Variants in DCUN1D1 observed in about 807,000 individuals in gnomAD.
The protein encoded by DCUN1D1 is DCN1-like protein 1.
In DCUN1D1, 3 loss-of-function variants were observed where a neutral mutation model predicts 39.0. That is an observed-to-expected ratio of 0.08 (90% CI 0.04 to 0.20). The LOEUF is 0.20. Among genes scored for constraint, DCUN1D1 ranks in the 10% least tolerant of loss-of-function variants. DCUN1D1 has a pLI of 1.00. For missense variants in DCUN1D1, 158 were observed against 302.4 expected (o/e 0.52, Z 3.54); for synonymous variants, 82 against 96.3 (o/e 0.85, Z 0.87).
exon 1 of DCUN1D1, chr3:182,985,844 G>A (rs1332886071): frequency 6.6e-6 from 1 of 152,154 alleles, no homozygotes; most frequent in Non-Finnish European, 1.5e-5. Flanking sequence ...TCACCTCAAG[G>A]TACATGTGGA....
intron 1 of DCUN1D1, among the ~76,000 whole-genome samples, chr3:182,967,605 C>T (rs930386098): frequency 1.3e-5 from 2 of 152,186 alleles, no homozygotes; most frequent in Non-Finnish European, 2.9e-5. Context: ...CTGTACTCCA[C>T]TAAAATTAAG....
intron 1 of DCUN1D1, among the ~76,000 whole-genome samples, chr3:182,968,544 C>T (rs1727780803): frequency 6.6e-6 from 1 of 151,822 alleles, no homozygotes; most frequent in Non-Finnish European, 1.5e-5. Flanking sequence ...GAATTAATTC[C>T]ATGTCATATC....
upstream of DCUN1D1, among the ~76,000 whole-genome samples, chr3:182,982,864 C>T (rs1290613392): frequency 1.3e-5 from 2 of 152,058 alleles, no homozygotes; most frequent in Admixed American, 6.6e-5. Flanking sequence ...AGGCTGGTCT[C>T]GAACTCCTGA....
chr3:182,965,224 C>A lies in DCUN1D1; in HGVS notation c.220+313G>T, dbSNP rs190482159. On this transcript the variant is annotated intron_variant, in intron 2 of 6. Coordinates refer to ENST00000292782, the MANE Select transcript of DCUN1D1 (RefSeq NM_020640.4). ...TAAAAGTATGCATTACTTTATAATT[C>A]TTTAAAGATTCAGTATGCAGGTTTC... Among the ~76,000 whole-genome samples the A allele has an allele frequency of 2.6e-5, 4 of 152,260 alleles. No homozygotes were observed. The East Asian group carries it at 5.8e-4, about 22-fold the overall frequency.
chr3:182,953,464 C>T (rs1726859287), intron 4 of DCUN1D1, among the ~76,000 whole-genome samples: 1 of 152,026 alleles, frequency 6.6e-6, no homozygotes, highest in Non-Finnish European at 1.5e-5. Context: ...TCTCTTAAAC[C>T]CCTACTCTAC....
chr3:182,967,372 T>G (rs1340327931), intron 1 of DCUN1D1, among the ~76,000 whole-genome samples: 1 of 152,108 alleles, frequency 6.6e-6, no homozygotes, highest in African/African-American at 2.4e-5. Context: ...TTTCCATAAA[T>G]CATACTGCTT....
At position 182,947,531 on chromosome 3, in the gene DCUN1D1, G is replaced by T. The variant is rs1018750473; in HGVS notation, c.603+19C>A. 2.2e-6 allele frequency: 3 copies of T among 1,391,342 alleles called. No individual in the cohort carries two copies. The highest frequency in any genetic ancestry group is 3.0e-6 in the Non-Finnish European group (3 of 987,266). The allele number at this position is 1,391,342 out of a possible 1,614,324, so 86.2% of individuals were successfully genotyped here. On this transcript the variant is annotated intron_variant, in intron 5 of 6. Coordinates refer to ENST00000292782, the MANE Select transcript of DCUN1D1 (RefSeq NM_020640.4). ...AGAATTTGAGAAAACAGAGAGAAAT[G>T]TAGAAAATGTGAACTTACCAACAAA...
chr3:182,945,296 T>A, intron 6 of DCUN1D1, 123 bp from the exon 7 acceptor site: 1 of 699,078 alleles, frequency 1.4e-6, no homozygotes, highest in Non-Finnish European at 2.3e-6. Context: ...CATTCTTATC[T>A]ATTCCCACTG....
rs1339387730 is a variant in DCUN1D1 at position 182,939,105 on chromosome 3, AACTC to A, written c.*5985_*5988del. On this transcript the variant is annotated 3_prime_UTR_variant, in exon 7 of 7. Coordinates refer to ENST00000292782, the MANE Select transcript of DCUN1D1 (RefSeq NM_020640.4). ...TACAGCAATCGCTGAGGCCACTTGA[AACTC>A]ACTCAAACTGCACATCCAATCGATA... 6.6e-6 allele frequency: 1 copy of A among 152,236 alleles called. No homozygotes were observed. Among genetic ancestry groups the A allele is most frequent in the African/African-American group, 2.4e-5 (1 of 41,462 alleles). The allele number at this position is 152,236 out of a possible 1,614,324, so 9.4% of individuals were successfully genotyped here.
At chr3:182,948,490 A>AACAGAGAACTACACTTATCACATG (rs1219117532) in intron 4 of DCUN1D1, among the ~76,000 whole-genome samples, 78 of 151,648 alleles carry the variant, frequency 5.1e-4, no homozygotes, top group African/African-American at 1.8e-3. Context: ...CTTACCACAC[A>AACAGAGAACTACACTTATCACATG]ACAGAGAACT....
At chr3:182,975,610 C>T (rs1203481015) in intron 1 of DCUN1D1, among the ~76,000 whole-genome samples, 3 of 150,562 alleles carry the variant, frequency 2.0e-5, no homozygotes, top group Admixed American at 6.6e-5. Context: ...TATTATTCAG[C>T]ATGACAAGGA....
chr3:182,974,776 A>AC (rs397733745), intron 1 of DCUN1D1, among the ~76,000 whole-genome samples: 3 of 151,536 alleles, frequency 2.0e-5, no homozygotes, highest in Non-Finnish European at 4.4e-5. Context: ...AAAAAAAAAA[A>AC]CTAAATCCCA....
At chr3:182,946,239 T>G (rs1726391888) in intron 6 of DCUN1D1, among the ~76,000 whole-genome samples, 1 of 152,098 alleles carries the variant, frequency 6.6e-6, no homozygotes, top group Admixed American at 6.6e-5. Context: ...CCAATAGTAC[T>G]ATATTAGGCG....
intron 4 of DCUN1D1, chr3:182,955,344 T>G (rs1393729804): frequency 3.7e-6 from 2 of 544,020 alleles, no homozygotes; most frequent in Non-Finnish European, 7.4e-6. Context: ...GGAACTTAGA[T>G]TATTTTCAAT....
Position 182,975,924 on chromosome 3 carries a change from T to C in DCUN1D1, c.3+4563A>G, listed in dbSNP as rs146869014. Among the ~76,000 whole-genome samples, 70 of 151,258 alleles carry C rather than the reference T, an allele frequency of 4.6e-4. 1 individual carries two copies. Among genetic ancestry groups the C allele is most frequent in the African/African-American group, 1.7e-3 (69 of 41,000 alleles). On this transcript the variant is annotated intron_variant, in intron 1 of 6. Transcript: ENST00000292782. ...AGTGGGAGTGGAGATTAATGACAATTGTAAATTGTCTGACTAGTAGAGTGT... is the reference window on the plus strand; with the variant it reads ...AGTGGGAGTGGAGATTAATGACAATCGTAAATTGTCTGACTAGTAGAGTGT...
intron 2 of DCUN1D1, 66 bp downstream of exon 2, chr3:182,965,471 C>A: frequency 9.8e-7 from 1 of 1,018,790 alleles, no homozygotes; most frequent in East Asian, 2.4e-5. Context: ...TATTTCATTT[C>A]TCATAAGCCC....
intron 4 of DCUN1D1, among the ~76,000 whole-genome samples, chr3:182,957,063 C>CT (rs537140960): frequency 6.6e-6 from 1 of 152,162 alleles, no homozygotes; most frequent in Non-Finnish European, 1.5e-5. Context: ...TAATTTTAGC[C>CT]TTTATCAGTG....
chr3:182,951,290 A>C (rs1303749223), intron 4 of DCUN1D1, among the ~76,000 whole-genome samples: 1 of 152,088 alleles, frequency 6.6e-6, no homozygotes, highest in Non-Finnish European at 1.5e-5. Flanking sequence ...CTTTTCAACT[A>C]ATTTGTATAA....
At chr3:182,966,362 C>G (rs1415602151) in intron 1 of DCUN1D1, among the ~76,000 whole-genome samples, 1 of 152,124 alleles carries the variant, frequency 6.6e-6, no homozygotes, top group African/African-American at 2.4e-5. Flanking sequence ...CTAGTTGTAT[C>G]CAGGAACCAA....
Sources: gnomAD v4.1 joint callset for allele counts (sites outside exome capture counted in the v4.1 genomes callset) on GRCh38, gnomAD v4.1.1 for gene constraint, MANE v1.5 for transcripts, NCBI Gene and HGNC (gene_info 2026-07-23, HGNC 2026-07-21) for gene names.